XPO4: variants seen among roughly 807,000 people sequenced by gnomAD.
The protein encoded by XPO4 is exportin-4.
A neutral mutation model predicts 143.0 loss-of-function variants in XPO4; 39 were observed. The observed-to-expected ratio is 0.27, with a 90% CI of 0.21 to 0.36. The LOEUF (loss-of-function observed/expected upper bound fraction) is 0.36. XPO4 is among the 10% of genes least tolerant of loss of function. The probability of loss-of-function intolerance (pLI) is 1.00; values close to 1 mark genes in which losing one functional copy is unlikely to be tolerated. For synonymous variants in XPO4, 439 were observed against 474.0 expected (o/e 0.93, Z 0.96); for missense variants, 907 against 1,348.0 (o/e 0.67, Z 5.12).
Position 20,848,180 on chromosome 13 carries a change from A to G in XPO4, c.457-4294T>C, listed in dbSNP as rs1000963885. On this transcript the variant is annotated intron_variant, in intron 4 of 22. Transcript: ENST00000255305. ...ACTAACAGGTAGTTCTAAATGGATC[A>G]TTTTCATTTGCTCACAGGTTAGAAA... The G allele has an allele frequency of 1.8e-5, 17 of 946,912 alleles. No individual in the cohort carries two copies. The African/African-American group carries it at 3.0e-4, about 17-fold the overall frequency. The allele number at this position is 946,912 out of a possible 1,614,324, so 58.7% of individuals were successfully genotyped here.
chr13:20,821,906 G>C lies in XPO4; in HGVS notation c.999-28C>G, dbSNP rs574606079. 1.9e-6 allele frequency: 3 copies of C among 1,574,488 alleles called. No individual in the cohort carries two copies. In the African/African-American group the frequency reaches 4.1e-5, roughly 21 times the overall value. ...AAAACCAAGGAATGAGTATTATTAA[G>C]TGGCAGTAAAAGAAAAATTATTAAT... On this transcript the variant is annotated intron_variant, in intron 8 of 22. Transcript: ENST00000255305.
chr13:20,785,976 G>GAGGAAGGAAGGAAGGAAGGA (rs57331137), intron 22 of XPO4, among the ~76,000 whole-genome samples: 44 of 142,032 alleles, frequency 3.1e-4, no homozygotes, highest in African/African-American at 1.1e-3. Flanking sequence ...AAGAAAAAGA[G>GAGGAAGGAAGGAAGGAAGGA]AGGAAGGAAG....
chr13:20,853,981 T>C (rs1696660584), intron 4 of XPO4, among the ~76,000 whole-genome samples: 1 of 152,134 alleles, frequency 6.6e-6, no homozygotes, highest in Admixed American at 6.5e-5. Context: ...AAAATCAAGA[T>C]GTAAATAAAA....
intron 9 of XPO4, 122 bp from the exon 10 acceptor site, chr13:20,810,089 TAA>T (rs2059558423): frequency 1.1e-5 from 8 of 759,576 alleles, no homozygotes; most frequent in East Asian, 2.9e-5. Context: ...CAATTATTGA[TAA>T]GTTTTTATTG....
intron 1 of XPO4, among the ~76,000 whole-genome samples, chr13:20,873,837 GC>G (rs770645105): frequency 2.6e-5 from 4 of 152,128 alleles, no homozygotes; most frequent in Non-Finnish European, 4.4e-5. Flanking sequence ...TCCCTGGGCA[GC>G]AATAATTGTA....
intron 1 of XPO4, among the ~76,000 whole-genome samples, chr13:20,875,725 C>G (rs189715934): frequency 1.2e-3 from 189 of 152,218 alleles, no homozygotes; most frequent in African/African-American, 4.5e-3. Flanking sequence ...GGCTACAGAA[C>G]CAGAAAGACC....
intron 1 of XPO4, among the ~76,000 whole-genome samples, chr13:20,891,863 C>CA (rs61114008): frequency 0.011 from 1,393 of 129,174 alleles, 28 homozygotes; most frequent in African/African-American, 0.033. Flanking sequence ...ACTCCATCTC[C>CA]AAAAAAAAAA....
At chr13:20,785,448 G>A (rs183792234) in intron 22 of XPO4, among the ~76,000 whole-genome samples, 2 of 152,176 alleles carry the variant, frequency 1.3e-5, no homozygotes, top group East Asian at 1.9e-4. Flanking sequence ...CGAGGCGAGT[G>A]GATTGCTTAA....
At chr13:20,888,161 G>A (rs1377232326) in intron 1 of XPO4, among the ~76,000 whole-genome samples, 2 of 82,270 alleles carry the variant, frequency 2.4e-5, no homozygotes, top group Non-Finnish European at 4.9e-5. Flanking sequence ...GGCGACAAGA[G>A]CAAAACTCCA....
At chr13:20,795,721 A>T (rs2059349799) in intron 18 of XPO4, among the ~76,000 whole-genome samples, 1 of 152,210 alleles carries the variant, frequency 6.6e-6, no homozygotes, top group South Asian at 2.1e-4. Flanking sequence ...TTTGAATCCC[A>T]GTCCTGGCTA....
intron 6 of XPO4, among the ~76,000 whole-genome samples, chr13:20,842,693 T>C (rs1432110218): frequency 6.6e-6 from 1 of 152,190 alleles, no homozygotes; most frequent in East Asian, 1.9e-4. Context: ...TACAAAGGAG[T>C]AAATACTTTT....
chr13:20,847,093 T>C (rs961160157), intron 4 of XPO4, among the ~76,000 whole-genome samples: 1 of 152,188 alleles, frequency 6.6e-6, no homozygotes, highest in Non-Finnish European at 1.5e-5. Context: ...TGTAGGAATA[T>C]GAGATTACCA....
At chr13:20,831,294 C>T (rs2059849068) in intron 6 of XPO4, among the ~76,000 whole-genome samples, 1 of 152,028 alleles carries the variant, frequency 6.6e-6, no homozygotes, top group Non-Finnish European at 1.5e-5. Flanking sequence ...TTTAATAAAA[C>T]AATAGTTTCC....
chr13:20,791,287 G>C (rs1463279644), intron 18 of XPO4, among the ~76,000 whole-genome samples: 1 of 152,086 alleles, frequency 6.6e-6, no homozygotes, highest in Non-Finnish European at 1.5e-5. Flanking sequence ...AAAATAATTT[G>C]TAAAAATGAT....
intron 13 of XPO4, among the ~76,000 whole-genome samples, chr13:20,802,067 T>C (rs1306835715): frequency 6.6e-6 from 1 of 152,164 alleles, no homozygotes; most frequent in African/African-American, 2.4e-5. Context: ...TCTAATTTTT[T>C]TTCTTTTTTA....
chr13:20,837,491 T>C (rs1170265464), intron 6 of XPO4, among the ~76,000 whole-genome samples: 2 of 152,090 alleles, frequency 1.3e-5, no homozygotes, highest in African/African-American at 4.8e-5. Context: ...CTGCCACCTC[T>C]GACCGCCGGG....
chr13:20,810,660 C>T (rs934360903), intron 9 of XPO4, among the ~76,000 whole-genome samples: 7 of 152,100 alleles, frequency 4.6e-5, no homozygotes, highest in Admixed American at 2.0e-4. Context: ...GAAAAAGAGA[C>T]AAGTAGATAA....
chr13:20,882,689 A>G (rs1366009128), intron 1 of XPO4, among the ~76,000 whole-genome samples: 3 of 152,056 alleles, frequency 2.0e-5, no homozygotes, highest in African/African-American at 7.2e-5. Context: ...GGAGTTTGGG[A>G]CCAGCCTGGC....
intron 1 of XPO4, among the ~76,000 whole-genome samples, chr13:20,889,038 C>T (rs1433322203): frequency 2.0e-5 from 3 of 152,058 alleles, no homozygotes; most frequent in Non-Finnish European, 4.4e-5. Flanking sequence ...GTCTCGAACT[C>T]CTGACCTCAA....
Sources: allele counts gnomAD v4.1 joint callset (sites outside exome capture counted in the v4.1 genomes callset), GRCh38; gene constraint gnomAD v4.1.1; transcripts MANE v1.5; gene names NCBI Gene and HGNC (gene_info 2026-07-23, HGNC 2026-07-21).